Variants in GMDS observed in about 807,000 individuals in gnomAD.
GMDS encodes GDP-mannose 4,6-dehydratase.
Under a neutral mutation model 49.9 loss-of-function variants are expected in GMDS, and 20 were observed. The observed-to-expected ratio is 0.40, with a 90% CI of 0.28 to 0.58. The LOEUF (loss-of-function observed/expected upper bound fraction) is 0.58, where lower values mean the gene tolerates loss of function less well. GMDS is among the 20% of genes least tolerant of loss of function. The pLI, the probability that GMDS is intolerant of heterozygous loss-of-function variation, is 0.42. For synonymous variants in GMDS, 177 were observed against 178.6 expected (o/e 0.99, Z 0.07); for missense variants, 362 against 481.4 (o/e 0.75, Z 2.32).
intron 4 of GMDS, among the ~76,000 whole-genome samples, chr6:2,020,211 G>T (rs1768192846): frequency 6.6e-6 from 1 of 151,928 alleles, no homozygotes; most frequent in African/African-American, 2.4e-5. Context: ...TTTAAGGCTA[G>T]CCTTGAGAAC....
chr6:1,705,959 G>A (rs1164701538), intron 9 of GMDS, among the ~76,000 whole-genome samples: 12 of 152,154 alleles, frequency 7.9e-5, no homozygotes, highest in Admixed American at 2.0e-4. Flanking sequence ...GCATCTGGGG[G>A]GCATTAAGCC....
Position 2,206,999 on chromosome 6 carries a change from G to A in GMDS, c.102+38322C>T, listed in dbSNP as rs191560414. On this transcript the variant is annotated intron_variant, in intron 1 of 10. Coordinates refer to ENST00000380815, the MANE Select transcript of GMDS (RefSeq NM_001500.4). ...GGTGGTATTCACAGCCATGCCATGA[G>A]GTCAGAGAAAACATAAGTTTTACTT... Among the ~76,000 whole-genome samples the A allele has an allele frequency of 2.4e-3, 361 of 152,216 alleles. 3 individuals carry two copies. Among genetic ancestry groups the A allele is most frequent in the Non-Finnish European group, 4.1e-3 (278 of 68,010 alleles).
chr6:1,981,754 C>G (rs949787837), intron 4 of GMDS, among the ~76,000 whole-genome samples: 1 of 152,202 alleles, frequency 6.6e-6, no homozygotes, highest in Non-Finnish European at 1.5e-5. Context: ...CCTTGATGAA[C>G]ATCAGTGCAA....
intron 9 of GMDS, among the ~76,000 whole-genome samples, chr6:1,630,811 T>C (rs1762977590): frequency 6.6e-6 from 1 of 152,160 alleles, no homozygotes; most frequent in Admixed American, 6.5e-5. Flanking sequence ...GAAAGCTAGA[T>C]TAATGACTGT....
At chr6:1,789,823 C>A (rs1435941665) in intron 7 of GMDS, among the ~76,000 whole-genome samples, 4 of 152,156 alleles carry the variant, frequency 2.6e-5, no homozygotes, top group Non-Finnish European at 5.9e-5. Context: ...TGGGTGTGAG[C>A]CACCACACCC....
At chr6:1,680,500 G>C (rs1048462589) in intron 9 of GMDS, among the ~76,000 whole-genome samples, 1 of 151,348 alleles carries the variant, frequency 6.6e-6, no homozygotes, top group Admixed American at 6.6e-5. Flanking sequence ...GAGGGTGCAG[G>C]CCAGGTGTTA....
rs1768370407 is a variant in GMDS at position 1,766,742 on chromosome 6, G to A, written c.772-24156C>T. Among the ~76,000 whole-genome samples the A allele has an allele frequency of 6.6e-6, 1 of 152,182 alleles. No homozygotes were observed. Among genetic ancestry groups the A allele is most frequent in the Admixed American group, 6.5e-5 (1 of 15,286 alleles). ...GTCTCACCAGATCTGCTTACACGGA[G>A]GAGCTGCACATCGAACATGCTAAAA... On this transcript the variant is annotated intron_variant, in intron 7 of 10. Coordinates refer to ENST00000380815, the MANE Select transcript of GMDS (RefSeq NM_001500.4). The surrounding 1 kb of genome is among the most constrained non-coding windows in gnomAD (Gnocchi z 4.5).
At chr6:1,771,188 C>T (rs1454060531) in intron 7 of GMDS, among the ~76,000 whole-genome samples, 1 of 152,150 alleles carries the variant, frequency 6.6e-6, no homozygotes, top group Non-Finnish European at 1.5e-5. Flanking sequence ...TAATCTGGAG[C>T]GTGTCAGCTT....
intron 9 of GMDS, among the ~76,000 whole-genome samples, chr6:1,723,702 A>G (rs1337586216): frequency 6.6e-6 from 1 of 151,874 alleles, no homozygotes; most frequent in Admixed American, 6.6e-5. Context: ...ACCTAAGCTG[A>G]TCGGTGAAAG....
rs567844742 is a variant in GMDS, at chr6:1,815,889, A to G, written c.772-73303T>C. On this transcript the variant is annotated intron_variant, in intron 7 of 10. Coordinates refer to ENST00000380815, the MANE Select transcript of GMDS (RefSeq NM_001500.4). ...TTTCACTCTTCCAGATTTCTTTCAC[A>G]AGAAAACAGCTGACAGAATGTTGCA... Among the ~76,000 whole-genome samples the G allele has an allele frequency of 3.9e-5, 6 of 152,342 alleles. No individual in the cohort carries two copies. The South Asian group carries it at 1.2e-3, about 32-fold the overall frequency.
intron 7 of GMDS, among the ~76,000 whole-genome samples, chr6:1,892,989 C>T (rs751603573): frequency 1.3e-5 from 2 of 152,086 alleles, no homozygotes; most frequent in African/African-American, 2.4e-5. Flanking sequence ...ATATCAGTCC[C>T]GTAATTAAGC....
intron 1 of GMDS, among the ~76,000 whole-genome samples, chr6:2,130,695 C>A (rs1279256344): frequency 6.6e-6 from 1 of 152,108 alleles, no homozygotes; most frequent in Non-Finnish European, 1.5e-5. Context: ...TTCTCTCCCC[C>A]AAAACACACT....
chr6:1,812,568 GGGACA>G (rs1561819933), intron 7 of GMDS, among the ~76,000 whole-genome samples: 1 of 151,860 alleles, frequency 6.6e-6, no homozygotes, highest in African/African-American at 2.4e-5. Flanking sequence ...GGCAGCAAAG[GGGACA>G]CAGAGGAGAA....
rs1778989232 is a variant in GMDS, at chr6:2,191,004, G to A, written c.102+54317C>T. The stretch of plus-strand genomic sequence containing the variant: ...TCTCACCCACAACTGCTGCGGGGAG[G>A]GCACCAGGAGGAGGCAGCACTGGGG... On this transcript the variant is annotated intron_variant, in intron 1 of 10. Coordinates refer to ENST00000380815, the MANE Select transcript of GMDS (RefSeq NM_001500.4). This position sits in a 1 kb window ranked among gnomAD's most constrained non-coding sequence, Gnocchi z 4.6. 6.6e-6 allele frequency among the ~76,000 whole-genome samples: 1 copy of A among 152,132 alleles called. No individual in the cohort carries two copies. Among genetic ancestry groups the A allele is most frequent in the South Asian group, 2.1e-4 (1 of 4,822 alleles).
At chr6:1,668,993 C>A (rs1764329168) in intron 9 of GMDS, among the ~76,000 whole-genome samples, 1 of 152,164 alleles carries the variant, frequency 6.6e-6, no homozygotes, top group Admixed American at 6.5e-5. Context: ...GACTCACAGA[C>A]CTGAATGGAA....
chr6:1,758,619 T>C (rs1768046315), intron 7 of GMDS, among the ~76,000 whole-genome samples: 2 of 152,184 alleles, frequency 1.3e-5, no homozygotes, highest in Admixed American at 1.3e-4. Context: ...GGCCTGGAGC[T>C]ACAGATTCAA....
At chr6:2,130,014 C>T (rs1399772931) in intron 1 of GMDS, among the ~76,000 whole-genome samples, 2 of 152,160 alleles carry the variant, frequency 1.3e-5, no homozygotes, top group Non-Finnish European at 2.9e-5. Context: ...TAGGAAGTAG[C>T]AGAACCTGCA....
intron 7 of GMDS, among the ~76,000 whole-genome samples, chr6:1,789,532 CTTTTTTTT>C (rs59996305): frequency 7.1e-6 from 1 of 141,272 alleles, no homozygotes; most frequent in Non-Finnish European, 1.6e-5. Flanking sequence ...TTTCTTTTTT[CTTTTTTTT>C]TTTTTTTTTT....
intron 1 of GMDS, among the ~76,000 whole-genome samples, chr6:2,200,198 A>C (rs896206987): frequency 6.6e-6 from 1 of 152,210 alleles, no homozygotes; most frequent in Non-Finnish European, 1.5e-5. Flanking sequence ...ACAGACGAGA[A>C]ACAAATACAT....
Sources: gnomAD v4.1 joint callset for allele counts (sites outside exome capture counted in the v4.1 genomes callset) on GRCh38, gnomAD v4.1.1 for gene constraint, Gnocchi (gnomAD v3.1) non-coding constraint, MANE v1.5 for transcripts, NCBI Gene and HGNC (gene_info 2026-07-23, HGNC 2026-07-21) for gene names.